The following DPP10 variants were observed in gnomAD, a reference collection of about 807,000 sequenced individuals.
DPP10 encodes inactive dipeptidyl peptidase 10.
A neutral mutation model predicts 120.9 loss-of-function variants in DPP10; 33 were observed. The ratio of observed to expected loss-of-function variants is 0.27; its 90% CI spans 0.21 to 0.37. The LOEUF (loss-of-function observed/expected upper bound fraction) is 0.37, where lower values mean the gene tolerates loss of function less well. DPP10 is among the 10% of genes least tolerant of loss of function. DPP10 has a pLI of 1.00. For missense variants in DPP10, 816 were observed against 942.8 expected, an observed-to-expected ratio of 0.87 and a Z score of 1.76; for synonymous variants, 337 against 326.1, an observed-to-expected ratio of 1.03 and a Z score of -0.36.
intron 2 of DPP10, among the ~76,000 whole-genome samples, chr2:115,309,895 G>A: frequency 6.6e-6 from 1 of 152,010 alleles, no homozygotes; most frequent in East Asian, 1.9e-4. Context: ...TTTGCAAATT[G>A]CCCCTGCAAT....
At chr2:115,653,761 G>T (rs892217625) in intron 5 of DPP10, among the ~76,000 whole-genome samples, 1 of 151,402 alleles carries the variant, frequency 6.6e-6, no homozygotes, top group African/African-American at 2.4e-5. Context: ...TAATGTCATG[G>T]GAAAGAAGAG....
chr2:115,216,179 G>GA (rs1339014007), intron 1 of DPP10, among the ~76,000 whole-genome samples: 3 of 152,150 alleles, frequency 2.0e-5, no homozygotes, highest in East Asian at 1.9e-4. Context: ...GAAAGAGGGA[G>GA]AAAAAATTAC....
At chr2:115,060,173 G>T (rs1249556017) in intron 1 of DPP10, among the ~76,000 whole-genome samples, 1 of 150,044 alleles carries the variant, frequency 6.7e-6, no homozygotes, top group Non-Finnish European at 1.5e-5. Context: ...TAGATAGATA[G>T]ATATATAGAG....
intron 5 of DPP10, among the ~76,000 whole-genome samples, chr2:115,566,279 C>G (rs575054710): frequency 1.3e-5 from 2 of 151,936 alleles, no homozygotes; most frequent in African/African-American, 4.8e-5. Context: ...ATCTTATATA[C>G]GTTTTTTCCT....
intron 1 of DPP10, chr2:114,461,984 G>T: frequency 1.0e-6 from 1 of 985,384 alleles, no homozygotes; most frequent in South Asian, 4.7e-5. Flanking sequence ...AAGTCTCCCT[G>T]CTGAATCGAA....
Position 115,689,747 on chromosome 2 carries a change from C to A in DPP10, c.494+8C>A, listed in dbSNP as rs1335775320. ...TTACAACATACACACTAGGTAAGTT[C>A]TTTGATTTTCTAGTTTTCATGAGCA... On this transcript the variant is annotated splice_region_variant and intron_variant, in intron 6 of 25. Transcript: ENST00000410059. 1.9e-6 allele frequency: 3 copies of A among 1,603,090 alleles called. No individual in the cohort carries two copies. The highest frequency in any genetic ancestry group is 1.3e-5 in the African/African-American group (1 of 74,572).
At chr2:115,836,902 A>T (rs930013422) in intron 24 of DPP10, among the ~76,000 whole-genome samples, 156 bp downstream of exon 24, 1 of 152,194 alleles carries the variant, frequency 6.6e-6, no homozygotes, top group African/African-American at 2.4e-5. Context: ...GTGGGAAAAA[A>T]GAATTCAGAG....
chr2:115,758,959 G>A (rs1404852448), intron 11 of DPP10, among the ~76,000 whole-genome samples: 1 of 152,126 alleles, frequency 6.6e-6, no homozygotes, highest in Non-Finnish European at 1.5e-5. Flanking sequence ...AAATTTAAGA[G>A]CTAATACTGT....
At chr2:115,479,962 G>A (rs1238053545) in intron 3 of DPP10, among the ~76,000 whole-genome samples, 2 of 152,138 alleles carry the variant, frequency 1.3e-5, no homozygotes, top group Non-Finnish European at 2.9e-5. Flanking sequence ...TCAGACCTCA[G>A]TTATTTCCCC....
chr2:115,440,654 G>A (rs2071953495), intron 3 of DPP10, among the ~76,000 whole-genome samples: 1 of 152,192 alleles, frequency 6.6e-6, no homozygotes, highest in Admixed American at 6.5e-5. Context: ...GGACTCAAAT[G>A]CAATAATTCT....
chr2:114,784,590 T>C (rs1364247997), intron 1 of DPP10, among the ~76,000 whole-genome samples: 1 of 152,152 alleles, frequency 6.6e-6, no homozygotes, highest in Non-Finnish European at 1.5e-5. Context: ...GCTGGAATTC[T>C]AGGTTTCTTT....
intron 1 of DPP10, among the ~76,000 whole-genome samples, chr2:114,569,177 A>G (rs924661633): frequency 6.6e-6 from 1 of 152,220 alleles, no homozygotes; most frequent in African/African-American, 2.4e-5. Context: ...AAAGTCTCTT[A>G]GAGTCCCTGA....
intron 11 of DPP10, among the ~76,000 whole-genome samples, chr2:115,759,310 GT>G (rs1244504391): frequency 1.3e-5 from 2 of 151,562 alleles, no homozygotes; most frequent in Admixed American, 1.3e-4. Flanking sequence ...TGTAATTTTA[GT>G]TATTTGGGAG....
At position 114,635,572 on chromosome 2, in the gene DPP10, C is replaced by T. The variant is rs1012645682; in HGVS notation, c.60+192734C>T. ...AGATTATTCAATCGTTTTTTTCTGA[C>T]ATTAGTAAATGCCTTGGCCCCTGCC... On this transcript the variant is annotated intron_variant, in intron 1 of 25. Coordinates refer to ENST00000410059, the MANE Select transcript of DPP10 (RefSeq NM_020868.6). 2.6e-5 allele frequency among the ~76,000 whole-genome samples: 4 copies of T among 151,960 alleles called. No individual in the cohort carries two copies. In the South Asian group the frequency reaches 8.3e-4, roughly 32 times the overall value.
intron 1 of DPP10, among the ~76,000 whole-genome samples, chr2:115,172,299 GC>G (rs767698060): frequency 9.9e-5 from 15 of 151,748 alleles, no homozygotes; most frequent in Non-Finnish European, 1.8e-4. Context: ...CAGGAGAATG[GC>G]TTGAACCCGA....
chr2:115,609,682 G>A lies in DPP10; in HGVS notation c.442-80005G>A, dbSNP rs151118227. ...ACTAGTAGAGTTTGGGGATAAATTC[G>A]TTGTCATTACAGAGAATAGTAAGAA... On this transcript the variant is annotated intron_variant, in intron 5 of 25. Coordinates refer to ENST00000410059, the MANE Select transcript of DPP10 (RefSeq NM_020868.6). Among the ~76,000 whole-genome samples, 22 of 152,146 alleles carry A rather than the reference G, an allele frequency of 1.4e-4. No individual in the cohort carries two copies. The East Asian group carries it at 2.7e-3, about 19-fold the overall frequency.
At chr2:114,711,344 C>G (rs1701017483) in intron 1 of DPP10, among the ~76,000 whole-genome samples, 1 of 152,176 alleles carries the variant, frequency 6.6e-6, no homozygotes, top group African/African-American at 2.4e-5. Flanking sequence ...TTAGGAGGAT[C>G]TTTAAATAAA....
intron 10 of DPP10, among the ~76,000 whole-genome samples, chr2:115,750,430 T>C (rs1678556804): frequency 6.6e-6 from 1 of 152,208 alleles, no homozygotes. Context: ...TTTCAGTGGT[T>C]TGAAATGGTC....
intron 4 of DPP10, among the ~76,000 whole-genome samples, chr2:115,511,168 A>T (rs1170952389): frequency 1.3e-5 from 2 of 151,826 alleles, no homozygotes; most frequent in Admixed American, 6.6e-5. Context: ...TTTATGAAGG[A>T]TTTTTTTTAA....
Sources: gnomAD v4.1 joint callset for allele counts (sites outside exome capture counted in the v4.1 genomes callset) on GRCh38, gnomAD v4.1.1 for gene constraint, MANE v1.5 for transcripts, NCBI Gene and HGNC (gene_info 2026-07-23, HGNC 2026-07-21) for gene names.